Variants in KPNA1 observed in about 807,000 individuals in gnomAD.
KPNA1 encodes the protein karyopherin subunit alpha 1.
A neutral mutation model predicts 70.5 loss-of-function variants in KPNA1; 10 were observed. The observed-to-expected ratio is 0.14, with a 90% CI of 0.09 to 0.24. KPNA1 has a LOEUF of 0.24. KPNA1 is among the 10% of genes least tolerant of loss of function. The pLI, the probability that KPNA1 is intolerant of heterozygous loss-of-function variation, is 1.00. For missense variants in KPNA1, 397 were observed against 637.9 expected (o/e 0.62, Z 4.07); for synonymous variants, 192 against 221.9 (o/e 0.87, Z 1.20).
intron 1 of KPNA1, among the ~76,000 whole-genome samples, chr3:122,503,846 T>G (rs923667500): frequency 1.3e-5 from 2 of 152,116 alleles, no homozygotes; most frequent in African/African-American, 4.8e-5. Flanking sequence ...TGAGAGCTGT[T>G]TGAAAAAAAA....
At chr3:122,507,978 A>G (rs1025914671) in intron 1 of KPNA1, among the ~76,000 whole-genome samples, 3 of 152,182 alleles carry the variant, frequency 2.0e-5, no homozygotes, top group African/African-American at 7.2e-5. Flanking sequence ...TTCCCATATC[A>G]TATTAACTCA....
chr3:122,495,894 CAT>C (rs1193502963), intron 2 of KPNA1, among the ~76,000 whole-genome samples: 1 of 151,164 alleles, frequency 6.6e-6, no homozygotes, highest in African/African-American at 2.4e-5. Context: ...AATAAAAAGA[CAT>C]ATTCTGTGAA....
At chr3:122,431,615 ACT>A (rs1259578203) in intron 12 of KPNA1, among the ~76,000 whole-genome samples, 1 of 152,024 alleles carries the variant, frequency 6.6e-6, no homozygotes, top group African/African-American at 2.4e-5. Context: ...TTTCAAGATA[ACT>A]CTTCATGTGG....
At chr3:122,510,524 TAG>T (rs1186429699) in intron 1 of KPNA1, among the ~76,000 whole-genome samples, 1 of 152,216 alleles carries the variant, frequency 6.6e-6, no homozygotes, top group African/African-American at 2.4e-5. Flanking sequence ...TGAACATTTA[TAG>T]AGTTACAATA....
intron 2 of KPNA1, among the ~76,000 whole-genome samples, chr3:122,483,655 T>C (rs960614282): frequency 1.3e-5 from 2 of 152,182 alleles, no homozygotes; most frequent in Non-Finnish European, 2.9e-5. Context: ...TAGAGGAATA[T>C]TTTCATAAAC....
chr3:122,449,637 G>A lies in KPNA1; in HGVS notation c.854C>T (p.Pro285Leu). The A allele has an allele frequency of 6.2e-7, 1 of 1,613,608 alleles. No individual in the cohort carries two copies. Among genetic ancestry groups the A allele is most frequent in the Non-Finnish European group, 8.5e-7 (1 of 1,179,792 alleles). The change falls in exon 9 of 14, where the codon CCC becomes CTC. Residue 285 changes from proline to leucine, a missense_variant. By Grantham distance (98) the Pro-to-Leu change is moderately conservative. Transcript: ENST00000344337. ...CWALSYLSDG[P>L]NDKIQAVIDA... is the part of the protein sequence containing the mutation. ...GATGACCGCTTGAATTTTATCATTG[G>A]GTCCATCTGATAGATATGAGAGGGC...
chr3:122,504,554 C>T (rs1343573990), intron 1 of KPNA1, among the ~76,000 whole-genome samples: 1 of 152,162 alleles, frequency 6.6e-6, no homozygotes, highest in Non-Finnish European at 1.5e-5. Context: ...AGTCTATATT[C>T]ATGTGGGGGC....
rs557103643 is a variant in KPNA1, at chr3:122,426,889, A to G, written c.*96T>C. The stretch of plus-strand genomic sequence containing the variant: ...GAGCGCAAACAGTATTATGGAAAAC[A>G]TTTGAGAAGTTAGCTCCATGAGGAC... On this transcript the variant is annotated 3_prime_UTR_variant, in exon 14 of 14. Coordinates refer to ENST00000344337, the MANE Select transcript of KPNA1 (RefSeq NM_002264.4). The G allele has an allele frequency of 1.7e-5, 16 of 962,656 alleles. No individual in the cohort carries two copies. The African/African-American group carries it at 2.1e-4, about 13-fold the overall frequency. The allele number at this position is 962,656 out of a possible 1,614,324, so 59.6% of individuals were successfully genotyped here.
chr3:122,429,151 AT>A (rs1229994711), intron 12 of KPNA1, among the ~76,000 whole-genome samples: 5 of 152,168 alleles, frequency 3.3e-5, no homozygotes, highest in African/African-American at 1.2e-4. Context: ...CCTATTCATG[AT>A]AAAAACTCAG....
intron 9 of KPNA1, among the ~76,000 whole-genome samples, chr3:122,445,037 C>G (rs781363965): frequency 9.8e-5 from 15 of 152,326 alleles, no homozygotes; most frequent in Non-Finnish European, 1.9e-4. Context: ...CAGAACAAAG[C>G]TGGACGGAGA....
chr3:122,433,077 A>G (rs756094452), intron 12 of KPNA1: 2 of 152,304 alleles, frequency 1.3e-5, no homozygotes, highest in African/African-American at 2.4e-5. Flanking sequence ...ACTCCATCTC[A>G]ATCAGTCAAT....
At position 122,437,246 on chromosome 3, in the gene KPNA1, C is replaced by G. The variant is rs778048711; in HGVS notation, c.1046G>C (p.Ser349Thr). ...TTCCTTTTTGATAGATTCCTTTGGGCTACTCAGCAAATGCAATAAACTCTG... is the reference window on the plus strand; with the variant it reads ...TTCCTTTTTGATAGATTCCTTTGGGGTACTCAGCAAATGCAATAAACTCTG... ...ALQSLLHLLS[S>T]PKESIKKEAC... The change falls in exon 11 of 14, where the codon AGC becomes ACC. Residue 349 changes from serine to threonine, a missense_variant. Coordinates refer to ENST00000344337, the MANE Select transcript of KPNA1 (RefSeq NM_002264.4). The G allele has an allele frequency of 1.2e-5, 19 of 1,613,598 alleles. No individual in the cohort carries two copies. The highest frequency in any genetic ancestry group is 5.9e-6 in the Non-Finnish European group (7 of 1,179,698).
intron 8 of KPNA1, among the ~76,000 whole-genome samples, chr3:122,451,299 ATGCTT>A (rs1317055080): frequency 2.6e-5 from 4 of 152,212 alleles, no homozygotes; most frequent in Non-Finnish European, 5.9e-5. Context: ...CCTTCATGCT[ATGCTT>A]TATTTGCAGT....
At chr3:122,486,425 T>C (rs533771887) in intron 2 of KPNA1, among the ~76,000 whole-genome samples, 6 of 151,984 alleles carry the variant, frequency 3.9e-5, no homozygotes, top group African/African-American at 1.2e-4. Context: ...TAACAGAAAA[T>C]AGATCAGAGG....
intron 9 of KPNA1, among the ~76,000 whole-genome samples, chr3:122,444,700 A>G (rs2076112861): frequency 3.3e-5 from 5 of 152,186 alleles, no homozygotes; most frequent in Non-Finnish European, 7.3e-5. Flanking sequence ...TCAGGCAGCA[A>G]TATTTGCTGT....
intron 2 of KPNA1, among the ~76,000 whole-genome samples, chr3:122,476,909 C>T (rs991971976): frequency 1.5e-5 from 2 of 129,718 alleles, no homozygotes; most frequent in African/African-American, 5.4e-5. Context: ...ACCATATGAT[C>T]CAGCAATCCC....
At chr3:122,447,456 T>C (rs1055071651) in intron 9 of KPNA1, among the ~76,000 whole-genome samples, 23 of 152,168 alleles carry the variant, frequency 1.5e-4, no homozygotes, top group African/African-American at 4.6e-4. Context: ...GAAAAGGCCT[T>C]TGACAAAATT....
chr3:122,501,493 T>C (rs1019627751), intron 1 of KPNA1, among the ~76,000 whole-genome samples: 2 of 152,226 alleles, frequency 1.3e-5, no homozygotes, highest in Admixed American at 6.5e-5. Context: ...TAGGAGTATG[T>C]TCTTTAACTT....
chr3:122,435,693 C>G (rs1237320736), intron 11 of KPNA1, among the ~76,000 whole-genome samples: 1 of 152,172 alleles, frequency 6.6e-6, no homozygotes, highest in Non-Finnish European at 1.5e-5. Flanking sequence ...TTACACCTGT[C>G]TTTACTGCAG....
Sources: allele counts gnomAD v4.1 joint callset (sites outside exome capture counted in the v4.1 genomes callset), GRCh38; gene constraint gnomAD v4.1.1; transcripts MANE v1.5; gene names NCBI Gene and HGNC (gene_info 2026-07-23, HGNC 2026-07-21).